SPTBN5: variants seen among roughly 807,000 people sequenced by gnomAD.
The protein encoded by SPTBN5 is spectrin beta chain, non-erythrocytic 5.
Under a neutral mutation model 477.6 loss-of-function variants are expected in SPTBN5, and 513 were observed. The ratio of observed to expected loss-of-function variants is 1.07; its 90% CI spans 1.00 to 1.16. SPTBN5 has a LOEUF of 1.16. Among genes scored for constraint, SPTBN5 ranks in the 50% most tolerant of loss-of-function variants. The pLI, the probability that SPTBN5 is intolerant of heterozygous loss-of-function variation, is 0.00. For synonymous variants in SPTBN5, 2,169 were observed against 2,011.7 expected, an observed-to-expected ratio of 1.08 and a Z score of -2.09; for missense variants, 5,062 against 4,731.8, an observed-to-expected ratio of 1.07 and a Z score of -2.05.
At chr15:41,875,086 TTC>T (rs2066680520) in intron 22 of SPTBN5, 30 bp from the exon 23 acceptor site, 1 of 1,583,180 alleles carries the variant, frequency 6.3e-7, no homozygotes, top group African/African-American at 1.3e-5. Flanking sequence ...CTGCATTAGG[TTC>T]TCTGTGTACA....
At chr15:41,866,699 T>C in intron 36 of SPTBN5, 1 of 747,084 alleles carries the variant, frequency 1.3e-6, no homozygotes, top group South Asian at 2.3e-5. Flanking sequence ...GTTTTGGAGG[T>C]GTGGCCCCTA....
intron 39 of SPTBN5, 32 bp downstream of exon 39, chr15:41,865,776 T>C: frequency 1.3e-6 from 2 of 1,536,060 alleles, no homozygotes; most frequent in Non-Finnish European, 8.8e-7. Context: ...GCGGGATGCA[T>C]GGCCAACCTC....
chr15:41,878,768 C>T, intron 16 of SPTBN5, 139 bp from the exon 17 acceptor site: 1 of 991,694 alleles, frequency 1.0e-6, no homozygotes, highest in Non-Finnish European at 1.4e-6. Context: ...GACCTGGGGG[C>T]AGCAAGAACA....
In SPTBN5 at chr15:41,864,966, G is replaced by A. The variant is rs564952864; in HGVS notation, c.6918+842C>T. Among the ~76,000 whole-genome samples, 4 of 152,324 alleles carry A rather than the reference G, an allele frequency of 2.6e-5. No individual in the cohort carries two copies. In the East Asian group the frequency reaches 5.8e-4, roughly 22 times the overall value. ...TCAGAGGCTAACCTGGCTCCTTTGC[G>A]GCAGAGCCAGGATTCAAGCCCAGCT... On this transcript the variant is annotated intron_variant, in intron 39 of 67. Coordinates refer to ENST00000320955, the MANE Select transcript of SPTBN5 (RefSeq NM_016642.4).
rs374348183 is a variant in SPTBN5 at position 41,872,362 on chromosome 15, C to G, written c.5105G>C (p.Arg1702Pro). Residue 1702 changes from arginine (R) to proline (P), a missense_variant, in exon 27 of 68, where the codon CGT becomes CCT. Coordinates refer to ENST00000320955, the MANE Select transcript of SPTBN5 (RefSeq NM_016642.4). Reference sequence around the variant, plus strand: ...CTCCCGGAGCCTCTCCTGCACCACACGCTGCTGCTCAGGGACTTCGGGGCC... The same window carrying G: ...CTCCCGGAGCCTCTCCTGCACCACAGGCTGCTGCTCAGGGACTTCGGGGCC... ...LTGPEVPEQQ[R>P]VVQERLREQL... 15 of 1,611,252 alleles carry G rather than the reference C, an allele frequency of 9.3e-6. No homozygotes were observed. In the African/African-American group the frequency reaches 1.2e-4, roughly 13 times the overall value.
In SPTBN5 at chr15:41,855,187, G is replaced by A. The variant is rs755319014; in HGVS notation, c.9423+37C>T. 12 of 1,580,906 alleles carry A rather than the reference G, an allele frequency of 7.6e-6. No individual in the cohort carries two copies. The African/African-American group carries it at 9.4e-5, about 12-fold the overall frequency. On this transcript the variant is annotated intron_variant, in intron 55 of 67. Coordinates refer to ENST00000320955, the MANE Select transcript of SPTBN5 (RefSeq NM_016642.4). Reference sequence around the variant, plus strand: ...CCAGGGCAGGCCTTCCTCAGCCTCTGCCCACTCCCCGTGAGGTTTGCTCAG... The same window carrying A: ...CCAGGGCAGGCCTTCCTCAGCCTCTACCCACTCCCCGTGAGGTTTGCTCAG...
In SPTBN5 at chr15:41,864,012, C is replaced by G. The variant is rs1298135384; in HGVS notation, c.6931G>C (p.Asp2311His). Reference sequence around the variant, plus strand: ...TCACTGATGCTCCTGATGCAGGCATCACCCACTGTGTCCTGCAGGGGAGGT... The same window carrying G: ...TCACTGATGCTCCTGATGCAGGCATGACCCACTGTGTCCTGCAGGGGAGGT... ...RGNSAGDTVG[D>H]ACIRSISDLS... Residue 2311 changes from aspartate to histidine, a missense_variant, in exon 40 of 68, where the codon GAT becomes CAT. Physicochemically the swap from Asp to His is moderately conservative, Grantham distance 81. Coordinates refer to ENST00000320955, the MANE Select transcript of SPTBN5 (RefSeq NM_016642.4). 6.2e-7 allele frequency: 1 copy of G among 1,613,130 alleles called. No individual in the cohort carries two copies. Among genetic ancestry groups the G allele is most frequent in the East Asian group, 2.2e-5 (1 of 44,888 alleles).
In SPTBN5 at chr15:41,877,369, A is replaced by T; in HGVS notation, c.3471-13T>A. On this transcript the variant is annotated splice_polypyrimidine_tract_variant and intron_variant, in intron 17 of 67. Coordinates refer to ENST00000320955, the MANE Select transcript of SPTBN5 (RefSeq NM_016642.4). ...CAGCTGCTGCAGCCTGACCAGGATGACAGGCAGAGAGTCAAACCCCAGCAG... is the reference window on the plus strand; with the variant it reads ...CAGCTGCTGCAGCCTGACCAGGATGTCAGGCAGAGAGTCAAACCCCAGCAG... 10 of 1,601,358 alleles carry T rather than the reference A, an allele frequency of 6.2e-6. No homozygotes were observed. The South Asian group carries it at 1.1e-4, about 18-fold the overall frequency.
chr15:41,863,689 C>G lies in SPTBN5; in HGVS notation c.7149+15G>C, dbSNP rs200271447. On this transcript the variant is annotated intron_variant, in intron 41 of 67. Transcript: ENST00000320955. Reference sequence around the variant, plus strand: ...TTGCTCACAGCCCCCACCGGGACCTCTTTCCACCACGTACCTTCTCCTGAA... The same window carrying G: ...TTGCTCACAGCCCCCACCGGGACCTGTTTCCACCACGTACCTTCTCCTGAA... 2.3e-3 allele frequency: 3,763 copies of G among 1,608,884 alleles called. 6 individuals carry two copies. Among genetic ancestry groups the G allele is most frequent in the Non-Finnish European group, 3.0e-3 (3,501 of 1,176,166 alleles).
chr15:41,858,777 G>A, intron 48 of SPTBN5, 29 bp from the exon 49 acceptor site: 1 of 1,598,148 alleles, frequency 6.3e-7, no homozygotes, highest in Non-Finnish European at 8.5e-7. Flanking sequence ...CAGGCCTGCT[G>A]TCCAGGGCTT....
Position 41,868,084 on chromosome 15 carries a change from G to A in SPTBN5, c.6192C>T (p.Ile2064=), listed in dbSNP as rs760782473. The A allele has an allele frequency of 1.2e-6, 2 of 1,603,466 alleles. No individual in the cohort carries two copies. Among genetic ancestry groups the A allele is most frequent in the African/African-American group, 1.3e-5 (1 of 74,884 alleles). The change falls in exon 34 of 68, where the codon ATC becomes ATT. Residue 2064 remains isoleucine, a synonymous_variant. Transcript: ENST00000320955. ...FLRECGRLEE[I]LAAQEVSLKT... is the part of the protein sequence containing the mutation. ...GGGGACCTGCCTCCTGGGCCGCGAGGATCTCCTCCAGGCGGCCGCACTCTC... is the reference window on the plus strand; with the variant it reads ...GGGGACCTGCCTCCTGGGCCGCGAGAATCTCCTCCAGGCGGCCGCACTCTC...
chr15:41,852,162 A>G lies in SPTBN5; in HGVS notation c.10584+20T>C. On this transcript the variant is annotated intron_variant, in intron 62 of 67. Transcript: ENST00000320955. ...GGGAGACCACGGCGGGGGTGCCTGC[A>G]GCCCCATAGGGACACCTGCCTGGGG... The G allele has an allele frequency of 1.9e-6, 3 of 1,561,224 alleles. No homozygotes were observed. The highest frequency in any genetic ancestry group is 2.1e-4 in the Middle Eastern group (1 of 4,856).
rs1285478570 is a variant in SPTBN5, at chr15:41,866,403, G to GC, written c.6570_6571insG (p.His2191AlafsTer5). On this transcript the variant is annotated frameshift_variant, in exon 37 of 68. Coordinates refer to ENST00000320955, the MANE Select transcript of SPTBN5 (RefSeq NM_016642.4). LOFTEE classifies it high-confidence loss of function. ...TGGACTTCAGCCTCAAAGGCCTGGT[G>GC]TTTCAGCAGGGGCTTCAGCTTATCT... 2 of 1,611,794 alleles carry GC rather than the reference G, an allele frequency of 1.2e-6. No homozygotes were observed. The highest frequency in any genetic ancestry group is 1.7e-6 in the Non-Finnish European group (2 of 1,178,990).
In SPTBN5 at chr15:41,863,764, G is replaced by T. The variant is rs780845049; in HGVS notation, c.7089C>A (p.Ala2363=). ...LLRYQQQLEG[A]LEIHVLSREL... is the part of the protein sequence containing the mutation. ...CTCGGGACAACACGTGTATCTCCAAGGCCCCTTCGAGCTGCTGCTGGTACC... is the reference window on the plus strand; with the variant it reads ...CTCGGGACAACACGTGTATCTCCAATGCCCCTTCGAGCTGCTGCTGGTACC... The change falls in exon 41 of 68, where the codon GCC becomes GCA. Residue 2363 remains alanine (A), a synonymous_variant. Coordinates refer to ENST00000320955, the MANE Select transcript of SPTBN5 (RefSeq NM_016642.4). 77 of 1,613,642 alleles carry T rather than the reference G, an allele frequency of 4.8e-5. No homozygotes were observed. Among genetic ancestry groups the T allele is most frequent in the Non-Finnish European group, 6.5e-5 (77 of 1,179,892 alleles).
In SPTBN5 at chr15:41,875,137, A is replaced by G. The variant is rs557925289; in HGVS notation, c.4288-81T>C. ...CCTTCCCGGGCTCTGGGACTGTTGG[A>G]CTTTTAGGACCAGATTCACCAGGGA... On this transcript the variant is annotated intron_variant, in intron 22 of 67. Coordinates refer to ENST00000320955, the MANE Select transcript of SPTBN5 (RefSeq NM_016642.4). The G allele has an allele frequency of 1.6e-3, 2,183 of 1,323,446 alleles. 3 individuals are homozygous for G. The highest frequency in any genetic ancestry group is 2.1e-3 in the Non-Finnish European group (2,003 of 966,800). 82.0% of individuals were successfully genotyped at this position (1,323,446 alleles called of 1,614,324 possible). A position where few individuals can be genotyped will look rare whatever the true frequency, so the allele number is the denominator to read the frequency against.
chr15:41,853,343 T>C lies in SPTBN5; in HGVS notation c.10085A>G (p.Glu3362Gly). Reference protein sequence around the residue: ...LLGQHEELGQEIRECRLQAQD... With the variant: ...LLGQHEELGQGIRECRLQAQD... ...GGCTTGAAGGCGGCACTCCCTGATT[T>C]CTTGCCCCAGCTCTTCATGCTGCCC... is the stretch of plus-strand genomic sequence containing the variant. The change falls in exon 59 of 68, where the codon GAA becomes GGA. Residue 3362 changes from glutamate to glycine, a missense_variant. Coordinates refer to ENST00000320955, the MANE Select transcript of SPTBN5 (RefSeq NM_016642.4). The C allele has an allele frequency of 6.2e-7, 1 of 1,612,760 alleles. No homozygotes were observed. The highest frequency in any genetic ancestry group is 1.1e-5 in the South Asian group (1 of 91,072).
In SPTBN5 at chr15:41,857,638, C is replaced by T. The variant is rs747270685; in HGVS notation, c.8299G>A (p.Ala2767Thr). 5 of 1,598,164 alleles carry T rather than the reference C, an allele frequency of 3.1e-6. No homozygotes were observed. The highest frequency in any genetic ancestry group is 2.7e-5 in the African/African-American group (2 of 74,656). Residue 2767 changes from alanine (A) to threonine (T), a missense_variant, in exon 50 of 68, where the codon GCA becomes ACA. Transcript: ENST00000320955. ...AIQERLEELG[A>T]LWGELQDNSQ... ...TTGTCTTGCAGCTCACCCCAGAGTG[C>T]TCCCAGCTCCTCCAGTCGCTCCTGG...
chr15:41,849,664 T>C (rs1461261187), intron 67 of SPTBN5, among the ~76,000 whole-genome samples: 1 of 152,156 alleles, frequency 6.6e-6, no homozygotes, highest in Admixed American at 6.5e-5. Flanking sequence ...AGGGGACCAC[T>C]GTAGAGTCTG....
In SPTBN5 at chr15:41,890,087, AC is replaced by A; in HGVS notation, c.501+1del. ...TGCTGGGTACTGGGGACTGAGCCAT[AC>A]CTTGTCCAAGGAGATGTGGGAGATC... On this transcript the variant is annotated splice_donor_variant, in intron 4 of 67. Coordinates refer to ENST00000320955, the MANE Select transcript of SPTBN5 (RefSeq NM_016642.4). LOFTEE classifies it high-confidence loss of function. 6.2e-7 allele frequency: 1 copy of A among 1,603,852 alleles called. No individual in the cohort carries two copies. The highest frequency in any genetic ancestry group is 8.5e-7 in the Non-Finnish European group (1 of 1,173,340).
Sources: allele counts gnomAD v4.1 joint callset (sites outside exome capture counted in the v4.1 genomes callset), GRCh38; gene constraint gnomAD v4.1.1; transcripts MANE v1.5; gene names NCBI Gene and HGNC (gene_info 2026-07-23, HGNC 2026-07-21).